The following AOPEP variants were observed in gnomAD, a reference collection of about 807,000 sequenced individuals.
AOPEP encodes aminopeptidase O.
In AOPEP, 77 loss-of-function variants were observed where a neutral mutation model predicts 98.1. That is an observed-to-expected ratio of 0.78 (90% CI 0.65 to 0.95). The LOEUF is 0.95. AOPEP is among the 40% of genes least tolerant of loss of function. AOPEP has a pLI of 0.00. For synonymous variants in AOPEP, 346 were observed against 365.3 expected (o/e 0.95, Z 0.60); for missense variants, 1,024 against 1,024.7 (o/e 1.00, Z 0.01).
At chr9:94,896,461 G>A (rs1157500845) in intron 5 of AOPEP, among the ~76,000 whole-genome samples, 1 of 152,118 alleles carries the variant, frequency 6.6e-6, no homozygotes, top group African/African-American at 2.4e-5. Flanking sequence ...GGAAAGTGGG[G>A]GGAAAGAATA....
chr9:94,855,261 A>G (rs1223096531), intron 5 of AOPEP, among the ~76,000 whole-genome samples: 1 of 151,858 alleles, frequency 6.6e-6, no homozygotes, highest in Admixed American at 6.6e-5. Context: ...TATTTTTAGT[A>G]GAAACGGGGT....
intron 1 of AOPEP, among the ~76,000 whole-genome samples, chr9:94,728,435 A>G (rs981844966): frequency 3.3e-5 from 5 of 152,220 alleles, no homozygotes; most frequent in Non-Finnish European, 4.4e-5. Context: ...TTAAAAATGT[A>G]CTACACAATT....
intron 3 of AOPEP, among the ~76,000 whole-genome samples, chr9:94,792,181 A>G (rs1845873146): frequency 6.6e-6 from 1 of 152,218 alleles, no homozygotes; most frequent in African/African-American, 2.4e-5. Context: ...AAGACCAGCT[A>G]AACAGATAAC....
rs1032406961 is a variant in AOPEP at position 94,998,012 on chromosome 9, G to A, written c.1978-7146G>A. On this transcript the variant is annotated intron_variant, in intron 11 of 16. Coordinates refer to ENST00000375315, the MANE Select transcript of AOPEP (RefSeq NM_001193329.3). The stretch of plus-strand genomic sequence containing the variant: ...CCACACACAGCTGAAAACTCTTTAA[G>A]GTTATAATGTCCATGAATATCAAGC... Among the ~76,000 whole-genome samples the A allele has an allele frequency of 3.9e-5, 6 of 151,994 alleles. No individual in the cohort carries two copies. In the South Asian group the frequency reaches 6.2e-4, roughly 16 times the overall value.
At chr9:94,886,086 A>G (rs72748549) in intron 5 of AOPEP, among the ~76,000 whole-genome samples, 4,388 of 152,226 alleles carry the variant, frequency 0.029, 168 homozygotes, top group African/African-American at 0.084. Context: ...GGTGTTGGTA[A>G]AATTAAAACC....
chr9:94,894,984 T>G (rs2049299435), intron 5 of AOPEP, among the ~76,000 whole-genome samples: 1 of 152,156 alleles, frequency 6.6e-6, no homozygotes, highest in Admixed American at 6.5e-5. Flanking sequence ...ATATTTCTAA[T>G]AAATACTTCT....
chr9:95,065,938 A>G (rs929683718), intron 14 of AOPEP, among the ~76,000 whole-genome samples: 2 of 152,214 alleles, frequency 1.3e-5, no homozygotes, highest in African/African-American at 4.8e-5. Context: ...GTTTTTAGAA[A>G]GCTGAGACCA....
At chr9:94,802,141 G>T (rs1848340325) in intron 5 of AOPEP, among the ~76,000 whole-genome samples, 1 of 152,046 alleles carries the variant, frequency 6.6e-6, no homozygotes, top group Non-Finnish European at 1.5e-5. Context: ...TAATTGTCTT[G>T]GATGTCTATA....
intron 5 of AOPEP, among the ~76,000 whole-genome samples, chr9:94,918,945 T>C (rs1346014162): frequency 2.0e-5 from 3 of 151,986 alleles, no homozygotes; most frequent in Non-Finnish European, 2.9e-5. Context: ...AGTCGGAGTC[T>C]CGCACTGTTG....
intron 5 of AOPEP, among the ~76,000 whole-genome samples, chr9:94,893,013 T>A (rs72748565): frequency 6.6e-6 from 1 of 152,188 alleles, no homozygotes; most frequent in African/African-American, 2.4e-5. Context: ...ATTTTCTTGA[T>A]ATAGTGCCTC....
intron 4 of AOPEP, 148 bp downstream of exon 4, chr9:94,793,066 A>G (rs1588239480): frequency 9.2e-6 from 9 of 978,882 alleles, no homozygotes; most frequent in South Asian, 3.4e-5. Flanking sequence ...GAAAAGCCCT[A>G]TTAGAAAGGA....
chr9:94,892,461 A>G (rs1175202962), intron 5 of AOPEP, among the ~76,000 whole-genome samples: 1 of 152,234 alleles, frequency 6.6e-6, no homozygotes, highest in Non-Finnish European at 1.5e-5. Context: ...AGTTGGCTAC[A>G]TAGAGCTCGC....
intron 1 of AOPEP, among the ~76,000 whole-genome samples, chr9:94,732,466 T>C (rs1830777562): frequency 6.6e-6 from 1 of 152,208 alleles, no homozygotes; most frequent in Non-Finnish European, 1.5e-5. Flanking sequence ...TTGATTCTCA[T>C]ACAAATTTTT....
chr9:95,123,576 A>T, the AOPEP span: 1 of 575,568 alleles, frequency 1.7e-6, no homozygotes, highest in Non-Finnish European at 3.4e-6. Flanking sequence ...GGCCACGTGC[A>T]GCCTATTTGC....
chr9:95,066,917 T>C (rs946348458), intron 14 of AOPEP, among the ~76,000 whole-genome samples: 5 of 152,212 alleles, frequency 3.3e-5, no homozygotes, highest in African/African-American at 9.6e-5. Context: ...TTACATACTT[T>C]TGTATTGGAT....
At chr9:95,065,686 T>C (rs758484112) in intron 14 of AOPEP, among the ~76,000 whole-genome samples, 2 of 152,190 alleles carry the variant, frequency 1.3e-5, no homozygotes, top group Non-Finnish European at 2.9e-5. Context: ...GAAATGCTTT[T>C]ATAGGGTAAA....
intron 14 of AOPEP, among the ~76,000 whole-genome samples, chr9:95,073,465 A>C (rs974367430): frequency 6.7e-6 from 1 of 148,678 alleles, no homozygotes; most frequent in South Asian, 2.1e-4. Flanking sequence ...AAAAGAAAGA[A>C]GAGGCCGGCG....
intron 5 of AOPEP, among the ~76,000 whole-genome samples, chr9:94,808,981 A>G (rs1172035336): frequency 1.3e-5 from 2 of 152,250 alleles, no homozygotes; most frequent in Non-Finnish European, 2.9e-5. Flanking sequence ...TAGATGTGCA[A>G]TCTTAGAACA....
intron 5 of AOPEP, among the ~76,000 whole-genome samples, chr9:94,909,255 G>A (rs549657526): frequency 1.0e-4 from 15 of 150,198 alleles, no homozygotes; most frequent in East Asian, 3.9e-4. Context: ...TTAAGGTTAC[G>A]CGCATTGAGC....
Sources: allele counts gnomAD v4.1 joint callset (sites outside exome capture counted in the v4.1 genomes callset), GRCh38; gene constraint gnomAD v4.1.1; transcripts MANE v1.5; gene names NCBI Gene and HGNC (gene_info 2026-07-23, HGNC 2026-07-21).